MYO5B: variants seen among roughly 807,000 people sequenced by gnomAD.
The protein encoded by MYO5B is unconventional myosin-Vb.
Under a neutral mutation model 229.3 loss-of-function variants are expected in MYO5B, and 143 were observed. The ratio of observed to expected loss-of-function variants is 0.62; its 90% CI spans 0.54 to 0.72. The LOEUF is 0.72. Among genes scored for constraint, MYO5B ranks in the 30% least tolerant of loss-of-function variants. The probability of loss-of-function intolerance (pLI) is 0.00; values close to 1 mark genes in which losing one functional copy is unlikely to be tolerated. For synonymous variants in MYO5B, 918 were observed against 885.2 expected (o/e 1.04, Z -0.66); for missense variants, 2,321 against 2,331.0 (o/e 1.00, Z 0.09).
chr18:49,870,427 C>T (rs1005434795), intron 27 of MYO5B, among the ~76,000 whole-genome samples: 6 of 152,136 alleles, frequency 3.9e-5, no homozygotes, highest in African/African-American at 1.4e-4. Context: ...ACAATATAGA[C>T]AAATTGGACT....
intron 1 of MYO5B, among the ~76,000 whole-genome samples, chr18:50,182,440 A>G (rs919620508): frequency 4.6e-5 from 7 of 151,416 alleles, no homozygotes; most frequent in Admixed American, 2.0e-4. Context: ...TAATTGGGGG[A>G]AAAATAGGAG....
At chr18:50,175,846 G>A (rs1231313219) in intron 1 of MYO5B, among the ~76,000 whole-genome samples, 1 of 152,252 alleles carries the variant, frequency 6.6e-6, no homozygotes, top group Non-Finnish European at 1.5e-5. Flanking sequence ...CGGAGGGGTT[G>A]AGGGGTGTTC....
At chr18:50,116,925 T>C (rs1037783974) in intron 1 of MYO5B, among the ~76,000 whole-genome samples, 1 of 151,738 alleles carries the variant, frequency 6.6e-6, no homozygotes, top group African/African-American at 2.4e-5. Flanking sequence ...CATTTAGCTA[T>C]GAAGGTATTT....
At chr18:49,904,353 C>T (rs2024875684) in intron 20 of MYO5B, among the ~76,000 whole-genome samples, 1 of 152,230 alleles carries the variant, frequency 6.6e-6, no homozygotes, top group South Asian at 2.1e-4. Context: ...TGAGTGGAAG[C>T]AGCCTGAGGC....
At chr18:49,908,059 G>C (rs2024919346) in intron 18 of MYO5B, among the ~76,000 whole-genome samples, 1 of 152,230 alleles carries the variant, frequency 6.6e-6, no homozygotes, top group South Asian at 2.1e-4. Context: ...CAGGGAACAA[G>C]CCTGGGTCCT....
At chr18:50,061,876 A>G (rs1057107319) in intron 1 of MYO5B, among the ~76,000 whole-genome samples, 5 of 152,232 alleles carry the variant, frequency 3.3e-5, no homozygotes, top group African/African-American at 1.2e-4. Context: ...TCCTACTAAC[A>G]TAAGTAATCT....
chr18:49,976,475 T>C (rs183601849), intron 9 of MYO5B, among the ~76,000 whole-genome samples: 6 of 152,324 alleles, frequency 3.9e-5, no homozygotes, highest in Non-Finnish European at 7.3e-5. Context: ...AAGGAGAGGA[T>C]AGGACCAGGT....
intron 34 of MYO5B, among the ~76,000 whole-genome samples, chr18:49,841,695 A>T (rs1232353089): frequency 1.3e-5 from 2 of 152,218 alleles, no homozygotes; most frequent in Non-Finnish European, 2.9e-5. Flanking sequence ...AGTGGTGCAC[A>T]TACAGGGACA....
In MYO5B at chr18:49,997,306, T is replaced by C. The variant is rs572279667; in HGVS notation, c.612+3949A>G. Among the ~76,000 whole-genome samples, 246 of 134,948 alleles carry C rather than the reference T, an allele frequency of 1.8e-3. 3 individuals are homozygous for C. The South Asian group carries it at 0.025, about 13-fold the overall frequency. The allele number at this position is 134,948 out of a possible 152,430, so 88.5% of individuals were successfully genotyped here. ...AAAAAAAAAAAAAAAAAGCAAATCC[T>C]GAAAATAACATATCTGGTCTTCATC... is the stretch of plus-strand genomic sequence containing the variant. On this transcript the variant is annotated intron_variant, in intron 5 of 39. Transcript: ENST00000285039.
At chr18:49,988,723 G>A (rs566575922) in intron 7 of MYO5B, among the ~76,000 whole-genome samples, 1 of 152,320 alleles carries the variant, frequency 6.6e-6, no homozygotes, top group African/African-American at 2.4e-5. Flanking sequence ...GGGAAGGAAA[G>A]AGGAGGATGG....
At chr18:49,995,377 C>G (rs2025976808) in intron 5 of MYO5B, among the ~76,000 whole-genome samples, 1 of 151,366 alleles carries the variant, frequency 6.6e-6, no homozygotes, top group Admixed American at 6.6e-5. Context: ...GCCTCAGCCT[C>G]CCAAGTAGCT....
chr18:49,895,092 T>G lies in MYO5B; in HGVS notation c.2894A>C (p.Glu965Ala). 6.2e-7 allele frequency: 1 copy of G among 1,614,184 alleles called. No individual in the cohort carries two copies. The highest frequency in any genetic ancestry group is 8.5e-7 in the Non-Finnish European group (1 of 1,180,046). The change falls in exon 22 of 40, where the codon GAG becomes GCG. Residue 965 changes from glutamate to alanine, a missense_variant. Glu to Ala is a moderately radical substitution (Grantham distance 107). Transcript: ENST00000285039. Reference protein sequence around the residue: ...YTMEVERLKKELVHYQQSPGE... With the variant: ...YTMEVERLKKALVHYQQSPGE... ...TGGGCTCTGCTGGTAGTGCACCAGC[T>G]CCTTCTTCAGCCGCTCTACCTCCAT...
intron 39 of MYO5B, among the ~76,000 whole-genome samples, chr18:49,832,607 T>C (rs1439452480): frequency 1.3e-5 from 2 of 152,226 alleles, no homozygotes; most frequent in East Asian, 3.8e-4. Context: ...AGCATGGCAC[T>C]GTAAGATGGC....
At chr18:50,112,007 A>T (rs1384373160) in intron 1 of MYO5B, among the ~76,000 whole-genome samples, 3 of 152,178 alleles carry the variant, frequency 2.0e-5, no homozygotes, top group Non-Finnish European at 2.9e-5. Context: ...CTAGTGGGGG[A>T]AACAGGCAAA....
At chr18:50,094,852 C>T (rs2031519671) in intron 1 of MYO5B, among the ~76,000 whole-genome samples, 1 of 151,640 alleles carries the variant, frequency 6.6e-6, no homozygotes, top group African/African-American at 2.4e-5. Flanking sequence ...TTTTTTAAAA[C>T]AGTCTCGCTC....
chr18:50,145,644 A>C (rs1029593456), intron 1 of MYO5B, among the ~76,000 whole-genome samples: 1 of 152,010 alleles, frequency 6.6e-6, no homozygotes, highest in South Asian at 2.1e-4. Context: ...TTTTTCCATT[A>C]GTTTTTTAAA....
At chr18:49,838,189 T>A (rs1015666058) in intron 36 of MYO5B, among the ~76,000 whole-genome samples, 1 of 152,240 alleles carries the variant, frequency 6.6e-6, no homozygotes, top group African/African-American at 2.4e-5. Flanking sequence ...AGCCATTACC[T>A]ATGCACCAGG....
intron 32 of MYO5B, 116 bp downstream of exon 32, chr18:49,849,449 CCA>C: frequency 1.2e-6 from 1 of 831,616 alleles, no homozygotes; most frequent in Non-Finnish European, 2.1e-6. Flanking sequence ...CTGGGCAGAG[CCA>C]CCAAGAAATC....
At chr18:50,117,056 T>C (rs906964363) in intron 1 of MYO5B, among the ~76,000 whole-genome samples, 1 of 152,144 alleles carries the variant, frequency 6.6e-6, no homozygotes, top group African/African-American at 2.4e-5. Context: ...AACCCTATCT[T>C]CTTTGATAAT....
Sources: allele counts gnomAD v4.1 joint callset (sites outside exome capture counted in the v4.1 genomes callset), GRCh38; gene constraint gnomAD v4.1.1; transcripts MANE v1.5; gene names NCBI Gene and HGNC (gene_info 2026-07-23, HGNC 2026-07-21).